Variants in RSRC1 observed in about 807,000 individuals in gnomAD.
The protein encoded by RSRC1 is serine/Arginine-related protein 53.
In RSRC1, 39 loss-of-function variants were observed where a neutral mutation model predicts 49.1. That is an observed-to-expected ratio of 0.79 (90% CI 0.61 to 1.04). The LOEUF (loss-of-function observed/expected upper bound fraction) is 1.04, where lower values mean the gene tolerates loss of function less well. RSRC1 is among the 50% of genes least tolerant of loss of function. The probability of loss-of-function intolerance (pLI) is 0.00; values close to 1 mark genes in which losing one functional copy is unlikely to be tolerated. For missense variants in RSRC1, 388 were observed against 402.4 expected, an observed-to-expected ratio of 0.96 and a Z score of 0.31; for synonymous variants, 143 against 130.8, an observed-to-expected ratio of 1.09 and a Z score of -0.63.
intron 3 of RSRC1, among the ~76,000 whole-genome samples, chr3:158,196,869 TA>T (rs1720655947): frequency 6.6e-6 from 1 of 152,212 alleles, no homozygotes; most frequent in African/African-American, 2.4e-5. Context: ...TCATGGTGAA[TA>T]AGCTTTTTGA....
chr3:158,427,101 T>C (rs902132471), intron 6 of RSRC1, among the ~76,000 whole-genome samples: 8 of 151,742 alleles, frequency 5.3e-5, no homozygotes, highest in African/African-American at 1.9e-4. Context: ...GACTTAGAGA[T>C]ACTTCTTGCC....
chr3:158,368,175 T>G (rs1180319435), intron 6 of RSRC1, among the ~76,000 whole-genome samples: 1 of 152,228 alleles, frequency 6.6e-6, no homozygotes, highest in East Asian at 1.9e-4. Flanking sequence ...AGTATGTTGC[T>G]TGTGGGCTTT....
At chr3:158,377,030 T>C (rs1732414487) in intron 6 of RSRC1, among the ~76,000 whole-genome samples, 2 of 152,192 alleles carry the variant, frequency 1.3e-5, no homozygotes, top group African/African-American at 2.4e-5. Flanking sequence ...TTAAAGATAG[T>C]GTTCACTACC....
chr3:158,341,334 T>A (rs1730227638), intron 5 of RSRC1, among the ~76,000 whole-genome samples: 1 of 151,960 alleles, frequency 6.6e-6, no homozygotes, highest in Non-Finnish European at 1.5e-5. Flanking sequence ...AAAAAGTGGT[T>A]TCGTGGGCCA....
At chr3:158,152,302 C>A (rs1717590866) in intron 3 of RSRC1, among the ~76,000 whole-genome samples, 1 of 152,074 alleles carries the variant, frequency 6.6e-6, no homozygotes. Context: ...GACCAACCAT[C>A]TTGGCTTGCC....
intron 6 of RSRC1, among the ~76,000 whole-genome samples, chr3:158,440,093 C>CT (rs1736299371): frequency 6.6e-6 from 1 of 152,048 alleles, no homozygotes; most frequent in Admixed American, 6.6e-5. Flanking sequence ...TGTAACAAAC[C>CT]TGCACGTTCT....
At chr3:158,324,709 T>C (rs1728974872) in intron 5 of RSRC1, among the ~76,000 whole-genome samples, 1 of 152,192 alleles carries the variant, frequency 6.6e-6, no homozygotes, top group Non-Finnish European at 1.5e-5. Flanking sequence ...GCATGTGTCT[T>C]TATAGCAGCA....
At chr3:158,495,345 G>C (rs1272335564) in intron 7 of RSRC1, among the ~76,000 whole-genome samples, 1 of 152,058 alleles carries the variant, frequency 6.6e-6, no homozygotes, top group Non-Finnish European at 1.5e-5. Context: ...GAGTAGAGTG[G>C]CACGATCTTG....
Position 158,178,739 on chromosome 3 carries a change from T to C in RSRC1, c.321-24333T>C, listed in dbSNP as rs544074307. Among the ~76,000 whole-genome samples the C allele has an allele frequency of 2.5e-4, 38 of 152,310 alleles. No homozygotes were observed. In the South Asian group the frequency reaches 3.1e-3, roughly 12 times the overall value. Reference sequence around the variant, plus strand: ...TACATTAAATTTGTGAATTGAAACCTGGTACCTTGATGAAGTTGAGAACGG... The same window carrying C: ...TACATTAAATTTGTGAATTGAAACCCGGTACCTTGATGAAGTTGAGAACGG... On this transcript the variant is annotated intron_variant, in intron 3 of 9. Coordinates refer to ENST00000611884, the MANE Select transcript of RSRC1 (RefSeq NM_001271838.2).
At chr3:158,154,982 A>G (rs1717775186) in intron 3 of RSRC1, among the ~76,000 whole-genome samples, 2 of 152,198 alleles carry the variant, frequency 1.3e-5, no homozygotes, top group Non-Finnish European at 2.9e-5. Flanking sequence ...ATTCAGTCAC[A>G]TCTTCAGGCT....
intron 6 of RSRC1, among the ~76,000 whole-genome samples, chr3:158,377,930 G>A (rs996847709): frequency 6.6e-6 from 1 of 152,062 alleles, no homozygotes; most frequent in African/African-American, 2.4e-5. Context: ...CAAAGTGCCG[G>A]GATTACAGGC....
intron 4 of RSRC1, among the ~76,000 whole-genome samples, chr3:158,235,283 T>TA (rs1723180247): frequency 6.6e-6 from 1 of 152,128 alleles, no homozygotes; most frequent in Non-Finnish European, 1.5e-5. Flanking sequence ...ATCAGCCACT[T>TA]ATGCAAATAA....
intron 3 of RSRC1, among the ~76,000 whole-genome samples, chr3:158,145,183 G>A (rs1298377022): frequency 2.6e-5 from 4 of 152,144 alleles, no homozygotes; most frequent in Non-Finnish European, 5.9e-5. Context: ...TGCTTTTGGT[G>A]TTTTAGACAT....
chr3:158,110,240 G>C lies in RSRC1; in HGVS notation c.-3+17G>C, dbSNP rs1260982789. On this transcript the variant is annotated intron_variant, in intron 1 of 9. Coordinates refer to ENST00000611884, the MANE Select transcript of RSRC1 (RefSeq NM_001271838.2). ...TGGACCCAGGTGATGCCCACGACCA[G>C]GGCCTGGGGAGCGGCAGCCGTGGCT... is the stretch of plus-strand genomic sequence containing the variant. 1 of 152,212 alleles carries C rather than the reference G, an allele frequency of 6.6e-6. No homozygotes were observed. Among genetic ancestry groups the C allele is most frequent in the East Asian group, 2.0e-4 (1 of 5,026 alleles). 9.4% of individuals were successfully genotyped at this position (152,212 alleles called of 1,614,324 possible). A position where few individuals can be genotyped will look rare whatever the true frequency, so the allele number is the denominator to read the frequency against.
At chr3:158,410,350 C>T (rs1734393417) in intron 6 of RSRC1, among the ~76,000 whole-genome samples, 1 of 152,108 alleles carries the variant, frequency 6.6e-6, no homozygotes, top group Non-Finnish European at 1.5e-5. Flanking sequence ...TGAATTTAGG[C>T]TTATTATTAA....
At chr3:158,308,357 G>T (rs1727951407) in intron 5 of RSRC1, among the ~76,000 whole-genome samples, 1 of 151,872 alleles carries the variant, frequency 6.6e-6, no homozygotes, top group South Asian at 2.1e-4. Flanking sequence ...AGGTTAATCT[G>T]CAAACAGATT....
In RSRC1 at chr3:158,199,840, A is replaced by T. The variant is rs541862408; in HGVS notation, c.321-3232A>T. On this transcript the variant is annotated intron_variant, in intron 3 of 9. Coordinates refer to ENST00000611884, the MANE Select transcript of RSRC1 (RefSeq NM_001271838.2). ...GGTTTTCTGTATGTCTTATTGTTAA[A>T]TTCTAATTTAATTCTGTTTTGGTCA... Among the ~76,000 whole-genome samples the T allele has an allele frequency of 1.4e-4, 21 of 152,192 alleles. 1 individual carries two copies. The highest frequency in any genetic ancestry group is 8.5e-4 in the Admixed American group (13 of 15,274).
chr3:158,274,166 T>TC (rs1725675696), intron 4 of RSRC1, among the ~76,000 whole-genome samples: 1 of 152,134 alleles, frequency 6.6e-6, no homozygotes, highest in South Asian at 2.1e-4. Context: ...TAAACAGTGT[T>TC]TTTAATGTTT....
rs1334377281 is a variant in RSRC1 at position 158,424,027 on chromosome 3, A to AT, written c.584-36905dup. ...ATCATGTCGTCTGCAAACAGGGACAATTTGACTTCCTCTTTTCCTAATTGA... is the reference window on the plus strand; with the variant it reads ...ATCATGTCGTCTGCAAACAGGGACAATTTTGACTTCCTCTTTTCCTAATTGA... On this transcript the variant is annotated intron_variant, in intron 6 of 9. Transcript: ENST00000611884. 4.6e-5 allele frequency among the ~76,000 whole-genome samples: 7 copies of AT among 151,452 alleles called. No individual in the cohort carries two copies. In the East Asian group the frequency reaches 1.4e-3, roughly 30 times the overall value.
Sources: gnomAD v4.1 joint callset for allele counts (sites outside exome capture counted in the v4.1 genomes callset) on GRCh38, gnomAD v4.1.1 for gene constraint, MANE v1.5 for transcripts, NCBI Gene and HGNC (gene_info 2026-07-23, HGNC 2026-07-21) for gene names.